SLC4A8: variants seen among roughly 807,000 people sequenced by gnomAD.
SLC4A8 encodes solute carrier family 4 member 8.
Under a neutral mutation model 125.0 loss-of-function variants are expected in SLC4A8, and 40 were observed. That is an observed-to-expected ratio of 0.32 (90% CI 0.25 to 0.42). The LOEUF (loss-of-function observed/expected upper bound fraction) is 0.42, where lower values mean the gene tolerates loss of function less well. Among genes scored for constraint, SLC4A8 ranks in the 10% least tolerant of loss-of-function variants. The pLI, the probability that SLC4A8 is intolerant of heterozygous loss-of-function variation, is 1.00. For missense variants in SLC4A8, 863 were observed against 1,355.1 expected, an observed-to-expected ratio of 0.64 and a Z score of 5.70; for synonymous variants, 456 against 476.0, an observed-to-expected ratio of 0.96 and a Z score of 0.55.
At chr12:51,483,365 AAG>A (rs1305726817) in intron 16 of SLC4A8, among the ~76,000 whole-genome samples, 2 of 151,158 alleles carry the variant, frequency 1.3e-5, no homozygotes, top group Admixed American at 6.6e-5. Flanking sequence ...AAAAAAAAAA[AAG>A]AAAGAAAAAG....
At chr12:51,445,978 T>C (rs926729043) in intron 2 of SLC4A8, among the ~76,000 whole-genome samples, 36 of 152,186 alleles carry the variant, frequency 2.4e-4, no homozygotes, top group Non-Finnish European at 2.6e-4. Flanking sequence ...CCTGGGTTGG[T>C]CTCAGTAGTG....
At position 51,425,040 on chromosome 12, in the gene SLC4A8, G is replaced by T; in HGVS notation, c.48+5G>T. 1 of 1,553,912 alleles carries T rather than the reference G, an allele frequency of 6.4e-7. No individual in the cohort carries two copies. On this transcript the variant is annotated splice_donor_5th_base_variant and intron_variant, in intron 1 of 24. Transcript: ENST00000453097. ...GACGGCGTCCTCAGCTATCAGGTAG[G>T]GCCCCGCCTCCCGCGCCTCCCGCTC...
chr12:51,439,083 G>A (rs1218408169), intron 1 of SLC4A8, among the ~76,000 whole-genome samples: 2 of 152,050 alleles, frequency 1.3e-5, no homozygotes, highest in Admixed American at 6.6e-5. Flanking sequence ...TTGAGACAGA[G>A]TCTCGCTCTG....
At chr12:51,440,927 T>C (rs1949574725) in intron 2 of SLC4A8, 138 bp downstream of exon 2, 1 of 950,676 alleles carries the variant, frequency 1.1e-6, no homozygotes. Flanking sequence ...AGCCTCACTT[T>C]CCTCATCTGG....
intron 16 of SLC4A8, among the ~76,000 whole-genome samples, chr12:51,481,625 T>C (rs1951029927): frequency 1.3e-5 from 2 of 152,016 alleles, no homozygotes; most frequent in Non-Finnish European, 2.9e-5. Flanking sequence ...TCCTTTACTT[T>C]AGGTAAAAAA....
At position 51,424,855 on chromosome 12, in the gene SLC4A8, C is replaced by A; in HGVS notation, c.-133C>A. On this transcript the variant is annotated 5_prime_UTR_variant, in exon 1 of 25. Transcript: ENST00000453097. ...CGCGGGCCGGTGGCTATGGAGGCGG[C>A]GGCGGTTGATGGTTGACCGTTGGCT... 1 of 945,510 alleles carries A rather than the reference C, an allele frequency of 1.1e-6. No homozygotes were observed. 58.6% of individuals were successfully genotyped at this position (945,510 alleles called of 1,614,324 possible).
intron 1 of SLC4A8, among the ~76,000 whole-genome samples, chr12:51,437,495 A>G (rs1949457230): frequency 6.6e-6 from 1 of 152,072 alleles, no homozygotes; most frequent in Non-Finnish European, 1.5e-5. Flanking sequence ...TGGTTGTTTA[A>G]AAGAGTCTGG....
intron 19 of SLC4A8, among the ~76,000 whole-genome samples, chr12:51,491,091 C>G (rs1592268279): frequency 6.6e-6 from 1 of 152,052 alleles, no homozygotes; most frequent in South Asian, 2.1e-4. Flanking sequence ...ACTTGACCAT[C>G]TGGTGGAGTG....
chr12:51,415,552 C>T (rs1048569004), intron 1 of SLC4A8, among the ~76,000 whole-genome samples: 2 of 151,994 alleles, frequency 1.3e-5, no homozygotes, highest in African/African-American at 4.8e-5. Context: ...TGCTCTGTCA[C>T]AGGCTGACAG....
rs770912828 is a variant in SLC4A8, at chr12:51,489,848, C to T, written c.2597C>T (p.Pro866Leu). The T allele has an allele frequency of 6.2e-7, 1 of 1,614,208 alleles. No individual in the cohort carries two copies. Among genetic ancestry groups the T allele is most frequent in the Admixed American group, 1.7e-5 (1 of 60,026 alleles). ...SLKLESECSAPGEQPKFLGIR... is the reference protein window; with the variant it reads ...SLKLESECSALGEQPKFLGIR... ...AAGCTAGAATCTGAATGCTCTGCTCCTGGAGAACAGCCCAAGTTCCTGGGC... is the reference window on the plus strand; with the variant it reads ...AAGCTAGAATCTGAATGCTCTGCTCTTGGAGAACAGCCCAAGTTCCTGGGC... The change falls in exon 19 of 25, where the codon CCT (proline) becomes CTT (leucine). Residue 866 changes from proline (P) to leucine (L), a missense_variant. Pro to Leu is a moderately conservative substitution (Grantham distance 98). Coordinates refer to ENST00000453097, the MANE Select transcript of SLC4A8 (RefSeq NM_001039960.3).
intron 1 of SLC4A8, chr12:51,403,369 C>G (rs2137941706): frequency 4.9e-6 from 2 of 408,986 alleles, no homozygotes; most frequent in South Asian, 1.7e-5. Flanking sequence ...GGAGCCATGA[C>G]AGCCTGTTGA....
At chr12:51,491,159 G>T (rs1000895055) in intron 19 of SLC4A8, among the ~76,000 whole-genome samples, 3 of 152,150 alleles carry the variant, frequency 2.0e-5, no homozygotes, top group Non-Finnish European at 4.4e-5. Flanking sequence ...GTGGGGCTGT[G>T]ATCAGATTTG....
intron 17 of SLC4A8, among the ~76,000 whole-genome samples, chr12:51,486,543 AATAG>A (rs1951166802): frequency 6.6e-6 from 1 of 152,240 alleles, no homozygotes; most frequent in Non-Finnish European, 1.5e-5. Context: ...GGGGACTCCA[AATAG>A]ATTTCAGTTT....
At chr12:51,463,976 C>A (rs1479837369) in intron 11 of SLC4A8, among the ~76,000 whole-genome samples, 2 of 152,204 alleles carry the variant, frequency 1.3e-5, no homozygotes, top group African/African-American at 4.8e-5. Flanking sequence ...TTTGAACACT[C>A]TTCCCTTTCC....
intron 1 of SLC4A8, among the ~76,000 whole-genome samples, chr12:51,430,572 A>G (rs1341205943): frequency 1.3e-5 from 2 of 152,060 alleles, no homozygotes; most frequent in African/African-American, 4.8e-5. Context: ...TGGTTTTCCC[A>G]GATCTGCTAG....
rs1055522784 is a variant in SLC4A8 at position 51,508,766 on chromosome 12, A to G, written c.*1328A>G. 4 of 152,228 alleles carry G rather than the reference A, an allele frequency of 2.6e-5. No individual in the cohort carries two copies. The highest frequency in any genetic ancestry group is 9.6e-5 in the African/African-American group (4 of 41,460). The allele number at this position is 152,228 out of a possible 1,614,324, so 9.4% of individuals were successfully genotyped here. A position where few individuals can be genotyped will look rare whatever the true frequency, so the allele number is the denominator to read the frequency against. ...ATAAACCTTTCCTTCCTTTGTGCAC[A>G]GAATGTAACTAGCAAGCCCATTAGC... is the stretch of plus-strand genomic sequence containing the variant. On this transcript the variant is annotated 3_prime_UTR_variant, in exon 25 of 25. Transcript: ENST00000453097.
At chr12:51,460,397 TA>T (rs1001083255) in intron 8 of SLC4A8, among the ~76,000 whole-genome samples, 28 of 89,360 alleles carry the variant, frequency 3.1e-4, no homozygotes, top group Admixed American at 6.5e-4. Context: ...CTGTCTTTTT[TA>T]AAAAAAAAAT....
At chr12:51,455,383 A>G (rs140300578) in intron 5 of SLC4A8, among the ~76,000 whole-genome samples, 30 of 152,266 alleles carry the variant, frequency 2.0e-4, no homozygotes, top group African/African-American at 6.7e-4. Context: ...AACGACAGAG[A>G]CATGCTTGAT....
At chr12:51,414,035 A>T (rs1948640783) in intron 1 of SLC4A8, among the ~76,000 whole-genome samples, 1 of 152,070 alleles carries the variant, frequency 6.6e-6, no homozygotes, top group Non-Finnish European at 1.5e-5. Flanking sequence ...TAACAATATT[A>T]ATTCTTCCCA....
Sources: gnomAD v4.1 joint callset for allele counts (sites outside exome capture counted in the v4.1 genomes callset) on GRCh38, gnomAD v4.1.1 for gene constraint, MANE v1.5 for transcripts, NCBI Gene and HGNC (gene_info 2026-07-23, HGNC 2026-07-21) for gene names.